The following IL3RA variants were observed in gnomAD, a reference collection of about 807,000 sequenced individuals.
IL3RA encodes interleukin-3 receptor subunit alpha.
A neutral mutation model predicts 52.3 loss-of-function variants in IL3RA; 73 were observed. The observed-to-expected ratio is 1.40, with a 90% CI of 1.16 to 1.70. The LOEUF is 1.70. IL3RA is among the 40% of genes most tolerant of loss of function. The pLI is 0.00. For missense variants in IL3RA, 664 were observed against 504.4 expected, an observed-to-expected ratio of 1.32 and a Z score of -3.03; for synonymous variants, 260 against 194.0, an observed-to-expected ratio of 1.34 and a Z score of -2.83.
intron 2 of IL3RA, 81 bp downstream of exon 2, chrX:1,341,910 T>A: frequency 6.9e-7 from 1 of 1,446,326 alleles, no homozygotes; most frequent in Non-Finnish European, 9.7e-7. Context: ...GTGCCGTCCT[T>A]CAGGGAAACT....
Position 1,363,381 on chromosome X carries a change from A to G in IL3RA, c.760-1757A>G, listed in dbSNP as rs774086275. 2.7e-5 allele frequency among the ~76,000 whole-genome samples: 4 copies of G among 150,374 alleles called. No homozygotes were observed. In the East Asian group the frequency reaches 8.0e-4, roughly 30 times the overall value. On this transcript the variant is annotated intron_variant, in intron 8 of 11. Coordinates refer to ENST00000331035, the MANE Select transcript of IL3RA (RefSeq NM_002183.4). ...AGTGGCGCAATCTCGGCTCACTGCAAGCTCCGCCTCCCGGGTTCCCGCCAC... is the reference window on the plus strand; with the variant it reads ...AGTGGCGCAATCTCGGCTCACTGCAGGCTCCGCCTCCCGGGTTCCCGCCAC...
chrX:1,382,534 G>T lies in IL3RA; in HGVS notation c.*69G>T. ...GCCGGGCCAGGCGCCTGCACAGACT[G>T]GCTGCTGGACCTGCGCACGCAGCCC... On this transcript the variant is annotated 3_prime_UTR_variant, in exon 12 of 12. Coordinates refer to ENST00000331035, the MANE Select transcript of IL3RA (RefSeq NM_002183.4). 3 of 1,443,076 alleles carry T rather than the reference G, an allele frequency of 2.1e-6. No homozygotes were observed. Among genetic ancestry groups the T allele is most frequent in the Non-Finnish European group, 2.9e-6 (3 of 1,024,400 alleles). 89.4% of individuals were successfully genotyped at this position (1,443,076 alleles called of 1,614,324 possible). A position where few individuals can be genotyped will look rare whatever the true frequency, so the allele number is the denominator to read the frequency against.
chrX:1,343,903 C>G (rs1219801003), intron 2 of IL3RA, among the ~76,000 whole-genome samples: 3 of 150,180 alleles, frequency 2.0e-5, no homozygotes, highest in East Asian at 4.2e-4. Flanking sequence ...TCCAGTGATT[C>G]TCCTGCCTCA....
chrX:1,360,436 TTCTC>T (rs2087161696), intron 8 of IL3RA, among the ~76,000 whole-genome samples: 1 of 140,998 alleles, frequency 7.1e-6, no homozygotes, highest in African/African-American at 2.7e-5. Context: ...CTCCCTCTCT[TTCTC>T]TATCTCTCTC....
intron 4 of IL3RA, 41 bp from the exon 5 acceptor site, chrX:1,352,059 C>T: frequency 2.5e-6 from 4 of 1,607,554 alleles, no homozygotes; most frequent in Non-Finnish European, 3.4e-6. Context: ...GCCACCGCGC[C>T]CGGTCCCGAT....
At position 1,348,672 on chromosome X, in the gene IL3RA, T is replaced by TTC. The variant is rs1385077568; in HGVS notation, c.298+129_298+130dup. The TTC allele has an allele frequency of 2.6e-5, 12 of 464,956 alleles. 1 individual carries two copies. The African/African-American group carries it at 4.3e-4, about 17-fold the overall frequency. The allele number at this position is 464,956 out of a possible 1,614,324, so 28.8% of individuals were successfully genotyped here. The stretch of plus-strand genomic sequence containing the variant: ...TTTCTTTCTTTCTTTCTTTCTTTCT[T>TTC]TCTTTCTTTCTTTCTTTCTTTTTCT... On this transcript the variant is annotated intron_variant, in intron 4 of 11. Coordinates refer to ENST00000331035, the MANE Select transcript of IL3RA (RefSeq NM_002183.4).
At chrX:1,359,793 TCTCC>T (rs1419937381) in intron 8 of IL3RA, among the ~76,000 whole-genome samples, 2 of 148,950 alleles carry the variant, frequency 1.3e-5, no homozygotes, top group African/African-American at 5.0e-5. Flanking sequence ...CCTCTTTTAT[TCTCC>T]CTCCCTCTCT....
rs551394341 is a variant in IL3RA at position 1,347,191 on chromosome X, C to A, written c.184-1240C>A. On this transcript the variant is annotated intron_variant, in intron 3 of 11. Coordinates refer to ENST00000331035, the MANE Select transcript of IL3RA (RefSeq NM_002183.4). ...GCCGGGCGTGGTGGCTCACGCCTGT[C>A]ATCCCAGCACTTTGGAGGCCGAGGC... is the stretch of plus-strand genomic sequence containing the variant. Among the ~76,000 whole-genome samples, 138 of 150,708 alleles carry A rather than the reference C, an allele frequency of 9.2e-4. 3 individuals are homozygous for A. The highest frequency in any genetic ancestry group is 3.3e-3 in the African/African-American group (132 of 40,580).
In IL3RA at chrX:1,345,030, G is replaced by A. The variant is rs867251873; in HGVS notation, c.65-286G>A. Among the ~76,000 whole-genome samples, 182 of 149,642 alleles carry A rather than the reference G, an allele frequency of 1.2e-3. 1 individual carries two copies. The highest frequency in any genetic ancestry group is 3.7e-3 in the African/African-American group (153 of 40,912). Reference sequence around the variant, plus strand: ...ACAAAAAAAAAAAAATTAGCCGGGCGTGGTGGCGGGCGCCTGTAGTCCCAG... The same window carrying A: ...ACAAAAAAAAAAAAATTAGCCGGGCATGGTGGCGGGCGCCTGTAGTCCCAG... On this transcript the variant is annotated intron_variant, in intron 2 of 11. Transcript: ENST00000331035.
chrX:1,360,558 G>A (rs1398766768), intron 8 of IL3RA, among the ~76,000 whole-genome samples: 1 of 151,168 alleles, frequency 6.6e-6, no homozygotes, highest in Non-Finnish European at 1.5e-5. Context: ...TTCTCTTGTT[G>A]CCCAGGCTGG....
rs146307787 is a variant in IL3RA, at chrX:1,345,362, G to A, written c.111G>A (p.Gln37=). Reference sequence around the variant, plus strand: ...ACCTAAGGATGAAAGCAAAGGCTCAGCAGTTGACCTGGGACCTTAACAGAA... The same window carrying A: ...ACCTAAGGATGAAAGCAAAGGCTCAACAGTTGACCTGGGACCTTAACAGAA... The part of the protein sequence containing the change: ...ITNLRMKAKA[Q]QLTWDLNRNV... Residue 37 remains glutamine (Q), a synonymous_variant, in exon 3 of 12, where the codon CAG becomes CAA. Transcript: ENST00000331035. 26 of 1,611,644 alleles carry A rather than the reference G, an allele frequency of 1.6e-5. No homozygotes were observed. The highest frequency in any genetic ancestry group is 2.1e-5 in the Non-Finnish European group (25 of 1,178,554).
intron 8 of IL3RA, among the ~76,000 whole-genome samples, chrX:1,361,283 C>T (rs768287490): frequency 6.6e-6 from 1 of 152,088 alleles, no homozygotes; most frequent in Non-Finnish European, 1.5e-5. Context: ...GTCTGTCTGT[C>T]CCCCTGTATT....
At position 1,382,669 on chromosome X, in the gene IL3RA, G is replaced by T; in HGVS notation, c.*204G>T. 1 of 527,882 alleles carries T rather than the reference G, an allele frequency of 1.9e-6. No homozygotes were observed. The highest frequency in any genetic ancestry group is 3.4e-6 in the Non-Finnish European group (1 of 297,148). The allele number at this position is 527,882 out of a possible 1,614,324, so 32.7% of individuals were successfully genotyped here. A position where few individuals can be genotyped will look rare whatever the true frequency, so the allele number is the denominator to read the frequency against. ...TTGTGTGTTTATTTCATGATAAAGTGATTTTTTTTTTTTTAACCCACTCAC... is the reference window on the plus strand; with the variant it reads ...TTGTGTGTTTATTTCATGATAAAGTTATTTTTTTTTTTTTAACCCACTCAC... On this transcript the variant is annotated 3_prime_UTR_variant, in exon 12 of 12. Coordinates refer to ENST00000331035, the MANE Select transcript of IL3RA (RefSeq NM_002183.4).
At chrX:1,344,495 C>G (rs1187427396) in intron 2 of IL3RA, among the ~76,000 whole-genome samples, 4 of 151,798 alleles carry the variant, frequency 2.6e-5, no homozygotes, top group Non-Finnish European at 4.4e-5. Flanking sequence ...TGTATATCAA[C>G]TGGGCATGGT....
chrX:1,341,730 G>A lies in IL3RA; in HGVS notation c.-36G>A. 1 of 1,612,522 alleles carries A rather than the reference G, an allele frequency of 6.2e-7. No homozygotes were observed. The highest frequency in any genetic ancestry group is 1.1e-5 in the South Asian group (1 of 91,002). ...CCTGACTCTCGTTTCTCCTGCAGCAGGCACCTCTGTCCTGCGTTCCGGAGC... is the reference window on the plus strand; with the variant it reads ...CCTGACTCTCGTTTCTCCTGCAGCAAGCACCTCTGTCCTGCGTTCCGGAGC... On this transcript the variant is annotated splice_region_variant and 5_prime_UTR_variant, in exon 2 of 12. Coordinates refer to ENST00000331035, the MANE Select transcript of IL3RA (RefSeq NM_002183.4).
chrX:1,360,268 C>A (rs757417713), intron 8 of IL3RA, among the ~76,000 whole-genome samples: 4 of 25,688 alleles, frequency 1.6e-4, no homozygotes, highest in African/African-American at 4.6e-4. Context: ...CTCCATCTTT[C>A]TCTCTCTCTC....
At chrX:1,351,657 C>T (rs1252704633) in intron 4 of IL3RA, among the ~76,000 whole-genome samples, 1 of 136,948 alleles carries the variant, frequency 7.3e-6, no homozygotes, top group African/African-American at 2.7e-5. Flanking sequence ...GAGACGAAGG[C>T]TCACTCTGTC....
In IL3RA at chrX:1,382,649, T is replaced by A; in HGVS notation, c.*184T>A. 1 of 630,206 alleles carries A rather than the reference T, an allele frequency of 1.6e-6. No individual in the cohort carries two copies. Among genetic ancestry groups the A allele is most frequent in the Non-Finnish European group, 2.9e-6 (1 of 347,480 alleles). The allele number at this position is 630,206 out of a possible 1,614,324, so 39.0% of individuals were successfully genotyped here. A position where few individuals can be genotyped will look rare whatever the true frequency, so the allele number is the denominator to read the frequency against. Reference sequence around the variant, plus strand: ...CCAGGAAGAAGAACAGAACTTTGTGTGTTTATTTCATGATAAAGTGATTTT... The same window carrying A: ...CCAGGAAGAAGAACAGAACTTTGTGAGTTTATTTCATGATAAAGTGATTTT... On this transcript the variant is annotated 3_prime_UTR_variant, in exon 12 of 12. Transcript: ENST00000331035.
At chrX:1,359,780 C>G (rs774725352) in intron 8 of IL3RA, among the ~76,000 whole-genome samples, 55 of 148,620 alleles carry the variant, frequency 3.7e-4, no homozygotes, top group African/African-American at 1.4e-3. Context: ...CTCATTCTCC[C>G]TCCCTCTTTT....
Sources: allele counts gnomAD v4.1 joint callset (sites outside exome capture counted in the v4.1 genomes callset), GRCh38; gene constraint gnomAD v4.1.1; transcripts MANE v1.5; gene names NCBI Gene and HGNC (gene_info 2026-07-23, HGNC 2026-07-21).